The following PIP5K1B variants were observed in gnomAD, a reference collection of about 807,000 sequenced individuals.
PIP5K1B encodes the protein phosphatidylinositol 4-phosphate 5-kinase type-1 beta.
A neutral mutation model predicts 67.0 loss-of-function variants in PIP5K1B; 42 were observed. The ratio of observed to expected loss-of-function variants is 0.63; its 90% confidence interval spans 0.49 to 0.81. The LOEUF is 0.81. Among genes scored for constraint, PIP5K1B ranks in the 30% least tolerant of loss-of-function variants. The probability of loss-of-function intolerance (pLI) is 0.00; values close to 1 mark genes in which losing one functional copy is unlikely to be tolerated. For missense variants in PIP5K1B, 459 were observed against 646.3 expected (o/e 0.71, Z 3.14); for synonymous variants, 214 against 231.4 (o/e 0.92, Z 0.68).
chr9:68,985,409 G>T (rs561137351), intron 14 of PIP5K1B, among the ~76,000 whole-genome samples: 3 of 151,824 alleles, frequency 2.0e-5, no homozygotes, highest in Non-Finnish European at 4.4e-5. Flanking sequence ...CCACCACCAC[G>T]CCTGGCTAAT....
At chr9:68,859,908 A>G (rs1001072681) in intron 4 of PIP5K1B, among the ~76,000 whole-genome samples, 3 of 151,994 alleles carry the variant, frequency 2.0e-5, no homozygotes, top group Non-Finnish European at 4.4e-5. Flanking sequence ...TTTCTATTTT[A>G]TTTTTTTAAT....
chr9:68,978,252 G>A (rs1030367307), intron 14 of PIP5K1B, among the ~76,000 whole-genome samples: 1 of 152,076 alleles, frequency 6.6e-6, no homozygotes, highest in Non-Finnish European at 1.5e-5. Context: ...TCCTCATCTG[G>A]CATACATTTT....
At chr9:69,004,985 T>C (rs937855739) in intron 15 of PIP5K1B, among the ~76,000 whole-genome samples, 1 of 152,170 alleles carries the variant, frequency 6.6e-6, no homozygotes, top group Non-Finnish European at 1.5e-5. Flanking sequence ...ATCCAGATCA[T>C]GTCATCCAAG....
chr9:68,885,712 G>T (rs1293928959), intron 6 of PIP5K1B, among the ~76,000 whole-genome samples: 1 of 152,152 alleles, frequency 6.6e-6, no homozygotes. Flanking sequence ...GATGGGGAAT[G>T]ACAAACTGCC....
intron 15 of PIP5K1B, among the ~76,000 whole-genome samples, chr9:68,996,379 T>G (rs1233450498): frequency 1.3e-5 from 2 of 152,212 alleles, no homozygotes; most frequent in Non-Finnish European, 1.5e-5. Flanking sequence ...ACCTTCACAC[T>G]GTAGAGTCCC....
intron 4 of PIP5K1B, among the ~76,000 whole-genome samples, chr9:68,829,663 G>T (rs535600309): frequency 2.6e-5 from 4 of 152,310 alleles, no homozygotes; most frequent in African/African-American, 9.6e-5. Flanking sequence ...GCGGATGTGA[G>T]TCCAGCTCTT....
chr9:68,946,834 C>G (rs74785512), intron 14 of PIP5K1B, among the ~76,000 whole-genome samples: 2,770 of 152,312 alleles, frequency 0.018, 31 homozygotes, highest in Non-Finnish European at 0.028. Context: ...CAAACTGCCA[C>G]TTCTAGTGAT....
chr9:68,902,540 T>G (rs1236343355), intron 8 of PIP5K1B, among the ~76,000 whole-genome samples: 1 of 152,234 alleles, frequency 6.6e-6, no homozygotes, highest in Non-Finnish European at 1.5e-5. Flanking sequence ...TTTTTCTAGT[T>G]TTTGAGTGTT....
chr9:68,754,965 A>G (rs1587393909), intron 2 of PIP5K1B, among the ~76,000 whole-genome samples: 1 of 152,196 alleles, frequency 6.6e-6, no homozygotes, highest in Non-Finnish European at 1.5e-5. Context: ...TGGCAACTAT[A>G]TTTACCTGGA....
intron 2 of PIP5K1B, among the ~76,000 whole-genome samples, chr9:68,795,080 C>G (rs766860929): frequency 9.9e-5 from 15 of 152,166 alleles, no homozygotes; most frequent in Admixed American, 7.2e-4. Flanking sequence ...CCTTCCGGCT[C>G]TAGGTAGTAT....
intron 2 of PIP5K1B, among the ~76,000 whole-genome samples, chr9:68,753,318 T>A (rs1476969987): frequency 2.7e-5 from 4 of 149,360 alleles, no homozygotes; most frequent in Non-Finnish European, 5.9e-5. Context: ...TTAAATATGG[T>A]TTATTTCCCC....
chr9:68,927,591 C>A (rs1587679679), intron 12 of PIP5K1B, among the ~76,000 whole-genome samples: 1 of 152,162 alleles, frequency 6.6e-6, no homozygotes, highest in East Asian at 1.9e-4. Context: ...CTCACTCAAA[C>A]CCTTTGCCCA....
intron 14 of PIP5K1B, among the ~76,000 whole-genome samples, chr9:68,987,900 C>G (rs1830161958): frequency 6.6e-6 from 1 of 152,196 alleles, no homozygotes; most frequent in South Asian, 2.1e-4. Context: ...CTTCTCCCAA[C>G]ACATGGGAAT....
intron 14 of PIP5K1B, among the ~76,000 whole-genome samples, chr9:68,989,630 G>C (rs150316616): frequency 1.1e-3 from 161 of 152,000 alleles, no homozygotes; most frequent in African/African-American, 3.6e-3. Context: ...GATTTTAATG[G>C]GGAAAAATTT....
intron 6 of PIP5K1B, among the ~76,000 whole-genome samples, chr9:68,885,057 A>G (rs1471200446): frequency 1.3e-5 from 2 of 152,266 alleles, no homozygotes; most frequent in Admixed American, 1.3e-4. Flanking sequence ...GAAGCAACAT[A>G]AATGCCCATC....
intron 2 of PIP5K1B, among the ~76,000 whole-genome samples, chr9:68,793,759 T>TA (rs1832133227): frequency 6.6e-6 from 1 of 152,174 alleles, no homozygotes; most frequent in South Asian, 2.1e-4. Context: ...AGTAAGCAGT[T>TA]AGATACCTGA....
chr9:68,962,219 A>G (rs796281514), intron 14 of PIP5K1B, among the ~76,000 whole-genome samples: 6 of 152,302 alleles, frequency 3.9e-5, no homozygotes, highest in African/African-American at 1.4e-4. Context: ...AAAAAAAGAC[A>G]TTAAATAAAC....
intron 15 of PIP5K1B, among the ~76,000 whole-genome samples, chr9:68,994,790 T>G (rs1830532928): frequency 6.6e-6 from 1 of 152,162 alleles, no homozygotes; most frequent in Admixed American, 6.5e-5. Context: ...GGTCTCTGCC[T>G]CTCATTAATC....
chr9:68,956,457 G>C (rs1008891341), intron 14 of PIP5K1B, among the ~76,000 whole-genome samples: 1 of 152,152 alleles, frequency 6.6e-6, no homozygotes, highest in Admixed American at 6.5e-5. Context: ...CGACTGAGGA[G>C]ACTCTGTCTC....
Sources: gnomAD v4.1 joint callset for allele counts (sites outside exome capture counted in the v4.1 genomes callset) on GRCh38, gnomAD v4.1.1 for gene constraint, MANE v1.5 for transcripts, NCBI Gene and HGNC (gene_info 2026-07-23, HGNC 2026-07-21) for gene names.